The following LRRN1 variants were observed in gnomAD, a reference collection of about 807,000 sequenced individuals.
LRRN1 encodes the protein leucine-rich repeat neuronal protein 1.
Under a neutral mutation model 45.8 loss-of-function variants are expected in LRRN1, and 14 were observed. The ratio of observed to expected loss-of-function variants is 0.31; its 90% confidence interval spans 0.20 to 0.48. The LOEUF (loss-of-function observed/expected upper bound fraction) is 0.48. Among genes scored for constraint, LRRN1 ranks in the 20% least tolerant of loss-of-function variants. The pLI is 0.99. For missense variants in LRRN1, 789 were observed against 874.2 expected (o/e 0.90, Z 1.23); for synonymous variants, 359 against 330.1 (o/e 1.09, Z -0.95).
At chr3:3,800,153 AAAAG>A (rs1375619744) in intron 1 of LRRN1, among the ~76,000 whole-genome samples, 1 of 151,904 alleles carries the variant, frequency 6.6e-6, no homozygotes, top group Non-Finnish European at 1.5e-5. Flanking sequence ...AAAAAAAAAA[AAAAG>A]GTGTGGGAGA....
intron 1 of LRRN1, among the ~76,000 whole-genome samples, chr3:3,805,032 C>G (rs1692725626): frequency 6.6e-6 from 1 of 152,144 alleles, no homozygotes; most frequent in Non-Finnish European, 1.5e-5. Flanking sequence ...AGGAGAGTGT[C>G]CATTTAATAT....
chr3:3,803,780 A>T (rs1223323541), intron 1 of LRRN1, among the ~76,000 whole-genome samples: 1 of 152,244 alleles, frequency 6.6e-6, no homozygotes, highest in Non-Finnish European at 1.5e-5. Context: ...TCAATACTTT[A>T]GTGACCAAGG....
At chr3:3,812,635 T>G (rs747643781) in intron 1 of LRRN1, among the ~76,000 whole-genome samples, 6 of 152,140 alleles carry the variant, frequency 3.9e-5, no homozygotes, top group African/African-American at 1.4e-4. Flanking sequence ...AAGGCTTGAA[T>G]TGGTGGAGAG....
At chr3:3,824,006 A>G (rs566059178) in intron 1 of LRRN1, among the ~76,000 whole-genome samples, 1 of 152,294 alleles carries the variant, frequency 6.6e-6, no homozygotes, top group Admixed American at 6.5e-5. Context: ...GTAAGGACTC[A>G]GGTCCCCTAA....
At position 3,846,127 on chromosome 3, in the gene LRRN1, A is replaced by G; in HGVS notation, c.1486A>G (p.Arg496Gly). The stretch of plus-strand genomic sequence containing the variant: ...TAACATACAAATTGAAGACTCAGGA[A>G]GATACACATGTGTTGCCCAGAATGT... ...ISNIQIEDSG[R>G]YTCVAQNVQG... is the part of the protein sequence containing the mutation. Residue 496 changes from arginine (R) to glycine (G), a missense_variant, in exon 2 of 2, where the codon AGA becomes GGA. Arg to Gly is a moderately radical substitution (Grantham distance 125). Transcript: ENST00000319331. The surrounding 1 kb of genome is among the most constrained non-coding windows in gnomAD (Gnocchi z 5.7). 9 of 1,614,150 alleles carry G rather than the reference A, an allele frequency of 5.6e-6. No homozygotes were observed. The highest frequency in any genetic ancestry group is 7.6e-6 in the Non-Finnish European group (9 of 1,180,038).
At position 3,846,717 on chromosome 3, in the gene LRRN1, C is replaced by T. The variant is rs148851673; in HGVS notation, c.2076C>T (p.Ser692=). Reference sequence around the variant, plus strand: ...TCATTAACCTCTGGGAAGGTGACAGCGAGAAAGACAAAGATGGTTCTGCAG... The same window carrying T: ...TCATTAACCTCTGGGAAGGTGACAGTGAGAAAGACAAAGATGGTTCTGCAG... ...PPLINLWEGD[S]EKDKDGSADT... The change falls in exon 2 of 2, where the codon AGC becomes AGT. Residue 692 remains serine, a synonymous_variant. Transcript: ENST00000319331. This position sits in a 1 kb window ranked among gnomAD's most constrained non-coding sequence, Gnocchi z 5.7. 129 of 1,613,870 alleles carry T rather than the reference C, an allele frequency of 8.0e-5. 1 individual carries two copies. The East Asian group carries it at 1.6e-3, about 20-fold the overall frequency.
rs550038642 is a variant in LRRN1, at chr3:3,843,647, T to C, written c.-278-717T>C. Among the ~76,000 whole-genome samples, 112 of 152,214 alleles carry C rather than the reference T, an allele frequency of 7.4e-4. 1 individual carries two copies. The highest frequency in any genetic ancestry group is 6.0e-3 in the South Asian group (29 of 4,808). On this transcript the variant is annotated intron_variant, in intron 1 of 1. Coordinates refer to ENST00000319331, the MANE Select transcript of LRRN1 (RefSeq NM_020873.7). Reference sequence around the variant, plus strand: ...GCAGGTTGTCCTATTCTGGATACTTTGTATATGTGGAATCATAAAATAGGT... The same window carrying C: ...GCAGGTTGTCCTATTCTGGATACTTCGTATATGTGGAATCATAAAATAGGT...
intron 1 of LRRN1, among the ~76,000 whole-genome samples, chr3:3,836,243 A>G (rs972508944): frequency 2.6e-5 from 4 of 152,344 alleles, no homozygotes; most frequent in South Asian, 2.1e-4. Flanking sequence ...CTCAATTTTA[A>G]GTGTACAGTT....
intron 1 of LRRN1, among the ~76,000 whole-genome samples, chr3:3,825,647 G>A (rs1693200049): frequency 6.6e-6 from 1 of 152,116 alleles, no homozygotes. Flanking sequence ...GTTTCATTTT[G>A]TTCCCCTGAC....
chr3:3,815,517 G>A (rs1042506161), intron 1 of LRRN1, among the ~76,000 whole-genome samples: 4 of 152,102 alleles, frequency 2.6e-5, no homozygotes, highest in African/African-American at 4.8e-5. Context: ...GAATTTTTTG[G>A]TGAGTGCCAA....
chr3:3,807,873 C>CA (rs1330967461), intron 1 of LRRN1, among the ~76,000 whole-genome samples: 1 of 152,204 alleles, frequency 6.6e-6, no homozygotes, highest in Non-Finnish European at 1.5e-5. Context: ...CCTAACCCCC[C>CA]AAAGGACCAG....
chr3:3,807,233 G>C (rs1293865420), intron 1 of LRRN1, among the ~76,000 whole-genome samples: 1 of 152,176 alleles, frequency 6.6e-6, no homozygotes, highest in Non-Finnish European at 1.5e-5. Flanking sequence ...TGACAATCTG[G>C]GAAGAAAGGT....
At chr3:3,834,402 T>G (rs1391045741) in intron 1 of LRRN1, among the ~76,000 whole-genome samples, 2 of 150,316 alleles carry the variant, frequency 1.3e-5, no homozygotes, top group African/African-American at 4.9e-5. Context: ...CTAATCATAT[T>G]AAGCAGCCAA....
Position 3,844,450 on chromosome 3 carries a change from C to T in LRRN1, c.-192C>T. On this transcript the variant is annotated 5_prime_UTR_variant, in exon 2 of 2. Transcript: ENST00000319331. ...GGAATTGAGAGACACAGTTAAAAGA[C>T]TCCAAGTTGCTTTCTGCCTTTTGAA... is the stretch of plus-strand genomic sequence containing the variant. The T allele has an allele frequency of 3.6e-6, 2 of 560,368 alleles. No homozygotes were observed. The highest frequency in any genetic ancestry group is 4.9e-5 in the South Asian group (2 of 40,668). 34.7% of individuals were successfully genotyped at this position (560,368 alleles called of 1,614,324 possible). A position where few individuals can be genotyped will look rare whatever the true frequency, so the allele number is the denominator to read the frequency against.
At position 3,846,531 on chromosome 3, in the gene LRRN1, A is replaced by C. The variant is rs1361664316; in HGVS notation, c.1890A>C (p.Thr630=). ...ACATCTCTGATCAAGAAACCAGTAC[A>C]GCCCTTGCTGCAGTAATGGGGTCTA... ...AVDISDQETS[T]ALAAVMGSMF... The change falls in exon 2 of 2, where the codon ACA becomes ACC. Residue 630 remains threonine, a synonymous_variant. Transcript: ENST00000319331. This position sits in a 1 kb window ranked among gnomAD's most constrained non-coding sequence, Gnocchi z 5.7. 6 of 1,614,076 alleles carry C rather than the reference A, an allele frequency of 3.7e-6. No individual in the cohort carries two copies. In the African/African-American group the frequency reaches 8.0e-5, roughly 22 times the overall value.
At chr3:3,835,584 ATTT>A (rs59300921) in intron 1 of LRRN1, among the ~76,000 whole-genome samples, 3,274 of 135,210 alleles carry the variant, frequency 0.024, 126 homozygotes, top group African/African-American at 0.084. Context: ...GAGCTGCCTG[ATTT>A]TTTTTTTTTT....
chr3:3,836,768 G>T (rs1479618887), intron 1 of LRRN1, among the ~76,000 whole-genome samples: 2 of 152,258 alleles, frequency 1.3e-5, no homozygotes, highest in South Asian at 4.1e-4. Context: ...AATTTTAGGG[G>T]TAGTAGCAAA....
At chr3:3,806,388 A>G (rs867675183) in intron 1 of LRRN1, among the ~76,000 whole-genome samples, 8 of 152,316 alleles carry the variant, frequency 5.3e-5, no homozygotes, top group Middle Eastern at 3.4e-3. Flanking sequence ...TGGTTAATTC[A>G]CAGAACAGGC....
intron 1 of LRRN1, among the ~76,000 whole-genome samples, chr3:3,814,628 G>C (rs541870063): frequency 6.6e-6 from 1 of 152,326 alleles, no homozygotes; most frequent in Non-Finnish European, 1.5e-5. Context: ...TCAGGGCTCT[G>C]CCCTCATGAA....
Sources: gnomAD v4.1 joint callset for allele counts (sites outside exome capture counted in the v4.1 genomes callset) on GRCh38, gnomAD v4.1.1 for gene constraint, Gnocchi (gnomAD v3.1) non-coding constraint, MANE v1.5 for transcripts, NCBI Gene and HGNC (gene_info 2026-07-23, HGNC 2026-07-21) for gene names.